The following STK32B variants were observed in gnomAD, a reference collection of about 807,000 sequenced individuals.
STK32B encodes the protein serine/threonine kinase 32B, also known as serine/threonine-protein kinase 32B.
A neutral mutation model predicts 52.6 loss-of-function variants in STK32B; 43 were observed. That is an observed-to-expected ratio of 0.82 (90% CI 0.64 to 1.05). The LOEUF (loss-of-function observed/expected upper bound fraction) is 1.05, where lower values mean the gene tolerates loss of function less well. Among genes scored for constraint, STK32B ranks in the 50% least tolerant of loss-of-function variants. The pLI is 0.00. For synonymous variants in STK32B, 238 were observed against 204.3 expected, an observed-to-expected ratio of 1.17 and a Z score of -1.41; for missense variants, 621 against 534.6, an observed-to-expected ratio of 1.16 and a Z score of -1.59.
At chr4:5,235,905 C>A (rs1724601314) in intron 3 of STK32B, among the ~76,000 whole-genome samples, 1 of 152,118 alleles carries the variant, frequency 6.6e-6, no homozygotes, top group Non-Finnish European at 1.5e-5. Context: ...AGCTTCCTGC[C>A]CATCACTTAC....
intron 4 of STK32B, among the ~76,000 whole-genome samples, chr4:5,354,370 A>T (rs1282999173): frequency 6.6e-6 from 1 of 152,134 alleles, no homozygotes; most frequent in African/African-American, 2.4e-5. Context: ...GGTTCAAGGG[A>T]TTCTCCTGCC....
intron 1 of STK32B, among the ~76,000 whole-genome samples, chr4:5,108,228 A>G (rs1328619085): frequency 6.6e-6 from 1 of 152,206 alleles, no homozygotes; most frequent in East Asian, 1.9e-4. Context: ...CTGCTACATT[A>G]TATACCAGTG....
At chr4:5,457,323 T>C (rs186109809) in intron 8 of STK32B, among the ~76,000 whole-genome samples, 5,387 of 151,172 alleles carry the variant, frequency 0.036, 131 homozygotes, top group Non-Finnish European at 0.055. Flanking sequence ...TCACGCCATT[T>C]TCCTGCCTCA....
intron 6 of STK32B, among the ~76,000 whole-genome samples, chr4:5,434,202 A>G (rs1266562268): frequency 1.3e-5 from 2 of 152,182 alleles, no homozygotes; most frequent in African/African-American, 4.8e-5. Context: ...AATGGGCAAG[A>G]AAGCAGGCAC....
intron 2 of STK32B, among the ~76,000 whole-genome samples, chr4:5,140,564 T>C (rs1393570517): frequency 6.6e-6 from 1 of 152,196 alleles, no homozygotes; most frequent in African/African-American, 2.4e-5. Flanking sequence ...TGAAACATAG[T>C]CTCTGTAACT....
At chr4:5,298,728 G>T (rs1278281238) in intron 3 of STK32B, among the ~76,000 whole-genome samples, 1 of 152,052 alleles carries the variant, frequency 6.6e-6, no homozygotes, top group Non-Finnish European at 1.5e-5. Flanking sequence ...GCTGGGCTTT[G>T]TGGGGGTGGG....
chr4:5,122,886 G>C (rs563211331), intron 1 of STK32B, among the ~76,000 whole-genome samples: 1 of 152,128 alleles, frequency 6.6e-6, no homozygotes, highest in Admixed American at 6.5e-5. Flanking sequence ...CTCTGCCTGA[G>C]TCCCTTCTCC....
intron 4 of STK32B, among the ~76,000 whole-genome samples, chr4:5,392,629 T>C (rs1736657056): frequency 6.6e-6 from 1 of 152,132 alleles, no homozygotes; most frequent in South Asian, 2.1e-4. Context: ...TGTTTGACCT[T>C]TGACAAATCA....
intron 1 of STK32B, among the ~76,000 whole-genome samples, chr4:5,062,179 T>C (rs552085769): frequency 6.6e-6 from 1 of 152,292 alleles, no homozygotes; most frequent in African/African-American, 2.4e-5. Context: ...CTCTCCTCAC[T>C]TTCATAACAG....
chr4:5,299,209 G>A (rs187365348), intron 3 of STK32B, among the ~76,000 whole-genome samples: 3 of 152,072 alleles, frequency 2.0e-5, no homozygotes, highest in Non-Finnish European at 4.4e-5. Flanking sequence ...CGTTGGTCTC[G>A]CTGGGAGCTG....
In STK32B at chr4:5,469,720, G is replaced by T. The variant is rs1483789495; in HGVS notation, c.1106+1650G>T. 2.0e-5 allele frequency among the ~76,000 whole-genome samples: 3 copies of T among 152,232 alleles called. No individual in the cohort carries two copies. The highest frequency in any genetic ancestry group is 1.5e-5 in the Non-Finnish European group (1 of 68,040). The stretch of plus-strand genomic sequence containing the variant: ...CAGGCTTGGGCAGCAAGCCTCACCT[G>T]CTAGAGGACCACATGTTGGGGTCTC... On this transcript the variant is annotated intron_variant, in intron 11 of 11. Coordinates refer to ENST00000282908, the MANE Select transcript of STK32B (RefSeq NM_018401.3). This position sits in a 1 kb window ranked among gnomAD's most constrained non-coding sequence, Gnocchi z 4.7.
At chr4:5,324,507 G>C (rs1197150136) in intron 3 of STK32B, among the ~76,000 whole-genome samples, 1 of 152,200 alleles carries the variant, frequency 6.6e-6, no homozygotes, top group Non-Finnish European at 1.5e-5. Context: ...GGGAGCGTCA[G>C]TCTTAAGCAG....
At chr4:5,162,691 G>A (rs573309526) in intron 2 of STK32B, among the ~76,000 whole-genome samples, 1 of 152,290 alleles carries the variant, frequency 6.6e-6, no homozygotes, top group East Asian at 1.9e-4. Context: ...GGTGGCTTTG[G>A]CCAGATTGCT....
rs761084805 is a variant in STK32B at position 5,446,797 on chromosome 4, G to C, written c.666+21G>C. On this transcript the variant is annotated intron_variant, in intron 7 of 11. Coordinates refer to ENST00000282908, the MANE Select transcript of STK32B (RefSeq NM_018401.3). ...GCTGGGTAAGACAGGCACCTGTGCG[G>C]TACACACGAGGGGCTGTGCAGTGGG... The C allele has an allele frequency of 3.7e-6, 6 of 1,611,158 alleles. No homozygotes were observed. The African/African-American group carries it at 6.7e-5, about 18-fold the overall frequency.
upstream of STK32B, among the ~76,000 whole-genome samples, chr4:5,050,212 G>A (rs1741709240): frequency 6.6e-6 from 1 of 152,140 alleles, no homozygotes; most frequent in South Asian, 2.1e-4. Flanking sequence ...TATATGCCGG[G>A]CACTGTTGCC....
intron 3 of STK32B, among the ~76,000 whole-genome samples, chr4:5,329,797 A>G (rs1037184075): frequency 6.6e-6 from 1 of 152,180 alleles, no homozygotes; most frequent in Non-Finnish European, 1.5e-5. Flanking sequence ...ACAATGGGTA[A>G]GATACACAAA....
chr4:5,287,256 A>C (rs1728609540), intron 3 of STK32B, among the ~76,000 whole-genome samples: 1 of 152,168 alleles, frequency 6.6e-6, no homozygotes, highest in South Asian at 2.1e-4. Context: ...ATTGATCTTC[A>C]TCTTCAGCAA....
chr4:5,276,351 A>G (rs1727822447), intron 3 of STK32B, among the ~76,000 whole-genome samples: 1 of 152,174 alleles, frequency 6.6e-6, no homozygotes, highest in African/African-American at 2.4e-5. Flanking sequence ...TTAAAAAATT[A>G]TCCAGACTTG....
chr4:5,183,450 C>T (rs1720507806), intron 3 of STK32B, among the ~76,000 whole-genome samples: 1 of 149,322 alleles, frequency 6.7e-6, no homozygotes, highest in African/African-American at 2.5e-5. Flanking sequence ...GCACTCCAGC[C>T]TGGGCAAAAA....
Sources: gnomAD v4.1 joint callset for allele counts (sites outside exome capture counted in the v4.1 genomes callset) on GRCh38, gnomAD v4.1.1 for gene constraint, Gnocchi (gnomAD v3.1) non-coding constraint, MANE v1.5 for transcripts, NCBI Gene and HGNC (gene_info 2026-07-23, HGNC 2026-07-21) for gene names.